PTPN5: variants seen among roughly 807,000 people sequenced by gnomAD.
The protein encoded by PTPN5 is tyrosine-protein phosphatase non-receptor type 5.
Under a neutral mutation model 73.9 loss-of-function variants are expected in PTPN5, and 29 were observed. The ratio of observed to expected loss-of-function variants is 0.39; its 90% CI spans 0.29 to 0.54. The LOEUF is 0.54. Ranked by LOEUF, PTPN5 falls within the 20% of genes least tolerant of loss-of-function variation. The pLI is 0.65. For missense variants in PTPN5, 652 were observed against 751.4 expected (o/e 0.87, Z 1.55); for synonymous variants, 267 against 304.7 (o/e 0.88, Z 1.29).
intron 3 of PTPN5, among the ~76,000 whole-genome samples, chr11:18,753,563 C>G (rs1849988888): frequency 7.5e-6 from 1 of 133,440 alleles, no homozygotes; most frequent in South Asian, 2.6e-4. Flanking sequence ...CAGACTCTAC[C>G]CACACCTTCT....
At chr11:18,747,812 T>C (rs1446261324) in intron 3 of PTPN5, among the ~76,000 whole-genome samples, 5 of 152,202 alleles carry the variant, frequency 3.3e-5, no homozygotes, top group South Asian at 4.1e-4. Flanking sequence ...TATAAAAAGA[T>C]AGCAAATACC....
chr11:18,752,036 G>A (rs1272062901), intron 3 of PTPN5, among the ~76,000 whole-genome samples: 1 of 152,150 alleles, frequency 6.6e-6, no homozygotes, highest in African/African-American at 2.4e-5. Flanking sequence ...TTCGAGACCA[G>A]CCTGGCCAAT....
chr11:18,742,659 C>T lies in PTPN5; in HGVS notation c.484-156G>A, dbSNP rs1849423670. ...GTCCACAAGGCACTGCCCCTGGCCT[C>T]GATGGGAGGCTCCATGCCCACTCTC... On this transcript the variant is annotated intron_variant, in intron 6 of 14. Transcript: ENST00000358540. The surrounding 1 kb of genome is among the most constrained non-coding windows in gnomAD (Gnocchi z 4.1). 6.6e-6 allele frequency among the ~76,000 whole-genome samples: 1 copy of T among 152,074 alleles called. No homozygotes were observed. Among genetic ancestry groups the T allele is most frequent in the Non-Finnish European group, 1.5e-5 (1 of 67,992 alleles).
intron 9 of PTPN5, among the ~76,000 whole-genome samples, chr11:18,734,373 A>G (rs1336024819): frequency 6.6e-6 from 1 of 152,184 alleles, no homozygotes; most frequent in Non-Finnish European, 1.5e-5. Flanking sequence ...GCTGGAGTGC[A>G]GTGGCACGAT....
chr11:18,733,466 C>T lies in PTPN5; in HGVS notation c.1080+90G>A. 3 of 1,610,854 alleles carry T rather than the reference C, an allele frequency of 1.9e-6. No individual in the cohort carries two copies. The highest frequency in any genetic ancestry group is 2.5e-6 in the Non-Finnish European group (3 of 1,177,868). On this transcript the variant is annotated intron_variant, in intron 10 of 14. Transcript: ENST00000358540. This position sits in a 1 kb window ranked among gnomAD's most constrained non-coding sequence, Gnocchi z 4.3. ...GGCTCTTCACAGGAGCTGGCAGGAG[C>T]CAGACTGGTGTAGGGACAAGGCTGG...
At chr11:18,746,192 T>TATATATATACATAC (rs550537453) in intron 3 of PTPN5, among the ~76,000 whole-genome samples, 1 of 102,820 alleles carries the variant, frequency 9.7e-6, no homozygotes. Context: ...TATATATATA[T>TATATATATACATAC]ACATTTTTTT....
intron 8 of PTPN5, among the ~76,000 whole-genome samples, chr11:18,738,744 C>G (rs1278562545): frequency 2.6e-5 from 4 of 152,070 alleles, no homozygotes; most frequent in Admixed American, 2.6e-4. Context: ...GAGGCCGAGG[C>G]AGGCGGATCA....
intron 12 of PTPN5, among the ~76,000 whole-genome samples, chr11:18,731,969 G>C (rs1326349540): frequency 6.6e-6 from 1 of 152,140 alleles, no homozygotes; most frequent in Non-Finnish European, 1.5e-5. Context: ...GATTTCAAAG[G>C]AACAGTCTCC....
In PTPN5 at chr11:18,742,549, C is replaced by G. The variant is rs748044562; in HGVS notation, c.484-46G>C. On this transcript the variant is annotated intron_variant, in intron 6 of 14. Coordinates refer to ENST00000358540, the MANE Select transcript of PTPN5 (RefSeq NM_006906.2). This position sits in a 1 kb window ranked among gnomAD's most constrained non-coding sequence, Gnocchi z 4.1. ...CACAGATTTCGGACCACGCTGGCTG[C>G]CCCCCGTGTTCCTGGAGTGCCCATG... 64 of 1,599,634 alleles carry G rather than the reference C, an allele frequency of 4.0e-5. No individual in the cohort carries two copies. The highest frequency in any genetic ancestry group is 5.2e-5 in the Non-Finnish European group (61 of 1,175,416).
rs1023797687 is a variant in PTPN5 at position 18,756,401 on chromosome 11, A to G, written c.97+9406T>C. Among the ~76,000 whole-genome samples the G allele has an allele frequency of 2.1e-4, 31 of 148,644 alleles. 1 individual carries two copies. The highest frequency in any genetic ancestry group is 6.8e-5 in the Admixed American group (1 of 14,670). On this transcript the variant is annotated intron_variant, in intron 3 of 14. Transcript: ENST00000358540. ...AACCTCTGCTTCCCGGGTTCAAGTGATTCTTGTGCCTTAGCCTCCTGAGTA... is the reference window on the plus strand; with the variant it reads ...AACCTCTGCTTCCCGGGTTCAAGTGGTTCTTGTGCCTTAGCCTCCTGAGTA...
At chr11:18,765,333 G>C (rs896891688) in intron 3 of PTPN5, among the ~76,000 whole-genome samples, 1 of 152,054 alleles carries the variant, frequency 6.6e-6, no homozygotes, top group Admixed American at 6.6e-5. Flanking sequence ...TTGGCTCCCT[G>C]CAACTGTGGT....
At position 18,742,614 on chromosome 11, in the gene PTPN5, G is replaced by A. The variant is rs1849421133; in HGVS notation, c.484-111C>T. 1.4e-6 allele frequency: 2 copies of A among 1,472,402 alleles called. No individual in the cohort carries two copies. The highest frequency in any genetic ancestry group is 2.8e-5 in the African/African-American group (2 of 72,056). 91.2% of individuals were successfully genotyped at this position (1,472,402 alleles called of 1,614,324 possible). Reference sequence around the variant, plus strand: ...CCACTCCCTCAGTGTGTCTAGAGCAGCTCTGCTCTCCTGGGAGTTGTCCAC... The same window carrying A: ...CCACTCCCTCAGTGTGTCTAGAGCAACTCTGCTCTCCTGGGAGTTGTCCAC... On this transcript the variant is annotated intron_variant, in intron 6 of 14. Coordinates refer to ENST00000358540, the MANE Select transcript of PTPN5 (RefSeq NM_006906.2). This position sits in a 1 kb window ranked among gnomAD's most constrained non-coding sequence, Gnocchi z 4.1.
intron 2 of PTPN5, among the ~76,000 whole-genome samples, chr11:18,770,885 T>C (rs1331070128): frequency 6.6e-6 from 1 of 152,152 alleles, no homozygotes; most frequent in Non-Finnish European, 1.5e-5. Context: ...GCTGCTGCCG[T>C]GGGCTGGGTG....
At chr11:18,760,169 G>C (rs182225222) in intron 3 of PTPN5, among the ~76,000 whole-genome samples, 8 of 152,198 alleles carry the variant, frequency 5.3e-5, no homozygotes, top group Non-Finnish European at 7.3e-5. Context: ...ATGGAGCATG[G>C]AGTAGGTGCT....
rs138897170 is a variant in PTPN5, at chr11:18,747,578, G to A, written c.98-3379C>T. ...ATCACAAATTTTGCTTCAGGAAGAT[G>A]TGTGACATTTATCCTATGGCTTTGC... On this transcript the variant is annotated intron_variant, in intron 3 of 14. Transcript: ENST00000358540. 5.9e-5 allele frequency among the ~76,000 whole-genome samples: 9 copies of A among 152,300 alleles called. No homozygotes were observed. In the East Asian group the frequency reaches 1.7e-3, roughly 29 times the overall value.
chr11:18,761,384 A>G (rs1464371323), intron 3 of PTPN5, among the ~76,000 whole-genome samples: 1 of 152,194 alleles, frequency 6.6e-6, no homozygotes, highest in Admixed American at 6.5e-5. Context: ...CAACATTAGC[A>G]GTGCCACCTG....
At chr11:18,777,843 G>A (rs1400906774) in intron 1 of PTPN5, among the ~76,000 whole-genome samples, 2 of 152,092 alleles carry the variant, frequency 1.3e-5, no homozygotes, top group Admixed American at 6.6e-5. Context: ...TACTCAGCAC[G>A]CTGAGGCAGG....
chr11:18,773,406 T>G (rs1851002195), intron 1 of PTPN5, among the ~76,000 whole-genome samples: 1 of 151,774 alleles, frequency 6.6e-6, no homozygotes, highest in African/African-American at 2.4e-5. Flanking sequence ...GGTGTGTGGG[T>G]GGGTGGCACT....
chr11:18,769,844 T>G (rs1850798072), intron 2 of PTPN5, among the ~76,000 whole-genome samples: 1 of 152,024 alleles, frequency 6.6e-6, no homozygotes, highest in Admixed American at 6.6e-5. Context: ...GGCTGGTCAG[T>G]GGGATGGAGC....
Sources: allele counts gnomAD v4.1 joint callset (sites outside exome capture counted in the v4.1 genomes callset), GRCh38; gene constraint gnomAD v4.1.1; non-coding constraint Gnocchi (gnomAD v3.1); transcripts MANE v1.5; gene names NCBI Gene and HGNC (gene_info 2026-07-23, HGNC 2026-07-21).